Variants in THSD7B observed in about 807,000 individuals in gnomAD.
The protein encoded by THSD7B is thrombospondin type 1 domain containing 7B, also known as thrombospondin type-1 domain-containing protein 7B.
THSD7B carries 138 observed loss-of-function variants against 213.6 expected under a neutral mutation model. The observed-to-expected ratio is 0.65, with a 90% confidence interval of 0.56 to 0.74. The LOEUF (loss-of-function observed/expected upper bound fraction) is 0.74, where lower values mean the gene tolerates loss of function less well. Ranked by LOEUF, THSD7B falls within the 30% of genes least tolerant of loss-of-function variation. The pLI is 0.00. For missense variants in THSD7B, 1,931 were observed against 1,991.5 expected, an observed-to-expected ratio of 0.97 and a Z score of 0.58; for synonymous variants, 742 against 687.0, an observed-to-expected ratio of 1.08 and a Z score of -1.25.
At chr2:136,820,316 A>G (rs1212274124) in intron 1 of THSD7B, among the ~76,000 whole-genome samples, 1 of 152,220 alleles carries the variant, frequency 6.6e-6, no homozygotes, top group Non-Finnish European at 1.5e-5. Flanking sequence ...TAACTTACTC[A>G]GTGGAATAAC....
chr2:137,195,246 A>G (rs1163583295), intron 7 of THSD7B, among the ~76,000 whole-genome samples: 1 of 149,184 alleles, frequency 6.7e-6, no homozygotes, highest in East Asian at 1.9e-4. Flanking sequence ...ATATATATAT[A>G]TATATACACA....
intron 10 of THSD7B, among the ~76,000 whole-genome samples, chr2:137,251,330 A>C (rs557104552): frequency 1.2e-4 from 18 of 152,114 alleles, no homozygotes; most frequent in African/African-American, 3.9e-4. Context: ...AAGGGAAAAA[A>C]TTCTATCATT....
intron 15 of THSD7B, among the ~76,000 whole-genome samples, chr2:137,479,882 G>C (rs866723456): frequency 5.3e-5 from 8 of 152,152 alleles, no homozygotes; most frequent in Admixed American, 4.6e-4. Flanking sequence ...AGCTCTCTCT[G>C]TAACAATGCT....
intron 12 of THSD7B, among the ~76,000 whole-genome samples, chr2:137,304,377 T>C (rs1380784752): frequency 6.6e-6 from 1 of 152,154 alleles, no homozygotes; most frequent in African/African-American, 2.4e-5. Flanking sequence ...ATTGCCAGTG[T>C]TGATAAAGCC....
chr2:136,945,517 G>A (rs969502958), intron 2 of THSD7B, among the ~76,000 whole-genome samples: 1 of 152,144 alleles, frequency 6.6e-6, no homozygotes, highest in South Asian at 2.1e-4. Flanking sequence ...ATGTTGGTCT[G>A]CCTGTCTAGG....
rs546408677 is a variant in THSD7B at position 136,781,764 on chromosome 2, C to T, written c.-36+16077C>T. The stretch of plus-strand genomic sequence containing the variant: ...CTGTCCTCCAGCTACTTCACCCTGG[C>T]GTTCCTCTGATTCCTTCTGTCTATG... On this transcript the variant is annotated intron_variant, in intron 1 of 27. Transcript: ENST00000409968. 1.6e-4 allele frequency among the ~76,000 whole-genome samples: 24 copies of T among 152,220 alleles called. No individual in the cohort carries two copies. In the East Asian group the frequency reaches 3.5e-3, roughly 22 times the overall value.
chr2:136,949,919 A>G (rs1685005770), intron 2 of THSD7B, among the ~76,000 whole-genome samples: 1 of 152,206 alleles, frequency 6.6e-6, no homozygotes, highest in Non-Finnish European at 1.5e-5. Context: ...TACAATAGCA[A>G]AGACTTGGAA....
chr2:137,438,690 T>A (rs1687340423), intron 14 of THSD7B, among the ~76,000 whole-genome samples: 1 of 152,044 alleles, frequency 6.6e-6, no homozygotes, highest in Non-Finnish European at 1.5e-5. Flanking sequence ...GTCAGCTTGG[T>A]GTGTATCTAA....
chr2:136,858,141 G>A (rs1683203568), intron 1 of THSD7B, among the ~76,000 whole-genome samples: 1 of 152,168 alleles, frequency 6.6e-6, no homozygotes, highest in South Asian at 2.1e-4. Context: ...AATTAAGGAT[G>A]CAAGTGAACA....
Position 136,890,303 on chromosome 2 carries a change from C to CTTCTTCTTCTT in THSD7B, c.139+7986_139+7987insTTCTTCTTCTT, listed in dbSNP as rs200389806. Among the ~76,000 whole-genome samples, 14 of 5,162 alleles carry CTTCTTCTTCTT rather than the reference C, an allele frequency of 2.7e-3. 4 individuals are homozygous for CTTCTTCTTCTT. Among genetic ancestry groups the CTTCTTCTTCTT allele is most frequent in the African/African-American group, 8.0e-3 (14 of 1,750 alleles). The allele number at this position is 5,162 out of a possible 152,430, so 3.4% of individuals were successfully genotyped here. On this transcript the variant is annotated intron_variant, in intron 2 of 27. Coordinates refer to ENST00000409968, the MANE Select transcript of THSD7B (RefSeq NM_001316349.2). ...TGCTCATTCATGTCCATGTCCTACTCCTTCTTCTTCTTCTTCTTCTTCTTC... is the reference window on the plus strand; with the variant it reads ...TGCTCATTCATGTCCATGTCCTACTCTTCTTCTTCTTCTTCTTCTTCTTCTTCTTCTTCTTC...
chr2:137,658,343 A>C (rs1683277890), intron 24 of THSD7B, among the ~76,000 whole-genome samples: 2 of 152,214 alleles, frequency 1.3e-5, no homozygotes, highest in African/African-American at 4.8e-5. Context: ...GAGCTTTGCT[A>C]TCAATTCTCT....
intron 12 of THSD7B, among the ~76,000 whole-genome samples, chr2:137,384,707 A>G (rs1324125458): frequency 1.3e-5 from 2 of 152,146 alleles, no homozygotes; most frequent in East Asian, 3.9e-4. Flanking sequence ...GTGACTTGGC[A>G]GAAGGAGGGA....
At chr2:137,115,846 G>A (rs907582937) in intron 5 of THSD7B, among the ~76,000 whole-genome samples, 8 of 152,170 alleles carry the variant, frequency 5.3e-5, no homozygotes, top group Non-Finnish European at 2.9e-5. Context: ...GTTTCAGAGT[G>A]TGGATAGTGA....
chr2:137,035,485 C>T (rs1686758566), intron 2 of THSD7B, among the ~76,000 whole-genome samples: 1 of 151,804 alleles, frequency 6.6e-6, no homozygotes, highest in South Asian at 2.1e-4. Context: ...TTTTATTCCT[C>T]ATGAATGAAA....
chr2:137,584,197 A>G (rs977801009), intron 17 of THSD7B, among the ~76,000 whole-genome samples: 1 of 152,188 alleles, frequency 6.6e-6, no homozygotes, highest in Non-Finnish European at 1.5e-5. Context: ...TTGTATCCTG[A>G]GACTTTGCTG....
intron 2 of THSD7B, among the ~76,000 whole-genome samples, chr2:136,998,949 CACACACA>C (rs1685951185): frequency 8.0e-5 from 12 of 150,104 alleles, no homozygotes; most frequent in South Asian, 4.2e-4. Flanking sequence ...CACACACACA[CACACACA>C]CACCCCTGCT....
intron 17 of THSD7B, among the ~76,000 whole-genome samples, chr2:137,588,615 C>T (rs1251325250): frequency 1.3e-5 from 2 of 151,718 alleles, no homozygotes; most frequent in African/African-American, 4.8e-5. Context: ...CATTGAAATC[C>T]AGCACACATA....
chr2:137,106,303 C>T (rs1688250164), intron 4 of THSD7B, among the ~76,000 whole-genome samples: 1 of 152,162 alleles, frequency 6.6e-6, no homozygotes, highest in South Asian at 2.1e-4. Flanking sequence ...GGAAAGGATT[C>T]CCTGTTTAAT....
chr2:137,616,407 T>A (rs1196818574), intron 18 of THSD7B, 91 bp downstream of exon 18: 1 of 1,176,704 alleles, frequency 8.5e-7, no homozygotes, highest in Non-Finnish European at 1.2e-6. Flanking sequence ...AGATTAAGAA[T>A]GGAGAGTAGA....
Sources: gnomAD v4.1 joint callset for allele counts (sites outside exome capture counted in the v4.1 genomes callset) on GRCh38, gnomAD v4.1.1 for gene constraint, MANE v1.5 for transcripts, NCBI Gene and HGNC (gene_info 2026-07-23, HGNC 2026-07-21) for gene names.